ZSCAN5A: variants seen among roughly 807,000 people sequenced by gnomAD.
The protein encoded by ZSCAN5A is zinc finger and SCAN domain-containing protein 5A.
A neutral mutation model predicts 23.7 loss-of-function variants in ZSCAN5A; 12 were observed. That is an observed-to-expected ratio of 0.51 (90% confidence interval 0.32 to 0.82). The LOEUF is 0.82. Among genes scored for constraint, ZSCAN5A ranks in the 40% least tolerant of loss-of-function variants. ZSCAN5A has a pLI of 0.03. For synonymous variants in ZSCAN5A, 257 were observed against 239.9 expected (o/e 1.07, Z -0.66); for missense variants, 597 against 617.9 (o/e 0.97, Z 0.36).
At chr19:56,359,192 TAAAG>T (rs2041717392) in intron 2 of ZSCAN5A, among the ~76,000 whole-genome samples, 2 of 149,410 alleles carry the variant, frequency 1.3e-5, no homozygotes, top group African/African-American at 2.5e-5. Flanking sequence ...GCTAGACTAA[TAAAG>T]AAAAAAAGAC....
chr19:56,273,797 A>G (rs1351365673), intron 2 of ZSCAN5A, among the ~76,000 whole-genome samples: 1 of 152,112 alleles, frequency 6.6e-6, no homozygotes, highest in Non-Finnish European at 1.5e-5. Context: ...AAAATGTTGG[A>G]TGTTATCCTC....
chr19:56,235,059 T>C (rs796171519), intron 2 of ZSCAN5A, among the ~76,000 whole-genome samples: 192 of 131,696 alleles, frequency 1.5e-3, no homozygotes, highest in Middle Eastern at 4.1e-3. Context: ...CAGCCTCTGA[T>C]TGACCGTGGG....
chr19:56,280,877 C>G (rs964011586), intron 2 of ZSCAN5A, among the ~76,000 whole-genome samples: 4 of 152,198 alleles, frequency 2.6e-5, no homozygotes, highest in Non-Finnish European at 5.9e-5. Flanking sequence ...CCAACACATG[C>G]TGTTTGGGGT....
At chr19:56,232,005 T>TTTTTTTTTTTTTA (rs1568619830) in intron 2 of ZSCAN5A, among the ~76,000 whole-genome samples, 7 of 149,564 alleles carry the variant, frequency 4.7e-5, no homozygotes, top group South Asian at 2.1e-4. Flanking sequence ...TCTTTTTTTT[T>TTTTTTTTTTTTTA]GAGACAGTGT....
At chr19:56,346,765 G>A (rs1288014580) in intron 2 of ZSCAN5A, among the ~76,000 whole-genome samples, 1 of 151,684 alleles carries the variant, frequency 6.6e-6, no homozygotes, top group Non-Finnish European at 1.5e-5. Context: ...CTGGAGTGTA[G>A]TGGTGCCATC....
rs1006669805 is a variant in ZSCAN5A, at chr19:56,356,842, T to C, written c.-358+6393A>G. Among the ~76,000 whole-genome samples the C allele has an allele frequency of 4.0e-5, 6 of 148,488 alleles. 1 individual carries two copies. The highest frequency in any genetic ancestry group is 1.5e-4 in the African/African-American group (6 of 39,318). On this transcript the variant is annotated intron_variant, in intron 2 of 6. Transcript: ENST00000587340. ...AAATGTTGTCTTTTATATATACTCC[T>C]TTACTGCTTCTCAGGTTCATCCCTG...
intron 2 of ZSCAN5A, among the ~76,000 whole-genome samples, chr19:56,331,161 T>G (rs2041484921): frequency 6.6e-6 from 1 of 152,230 alleles, no homozygotes; most frequent in Non-Finnish European, 1.5e-5. Context: ...TCCATTGATC[T>G]ATGTCTGTTT....
chr19:56,228,353 C>A, intron 2 of ZSCAN5A: 1 of 985,374 alleles, frequency 1.0e-6, no homozygotes, highest in Non-Finnish European at 1.2e-6. Flanking sequence ...GGACTCCAGG[C>A]CGCGTTTCCG....
At chr19:56,332,553 A>G (rs1213563623) in intron 2 of ZSCAN5A, among the ~76,000 whole-genome samples, 1 of 152,198 alleles carries the variant, frequency 6.6e-6, no homozygotes, top group African/African-American at 2.4e-5. Flanking sequence ...GTGTTGTCAC[A>G]TGTGAGATGG....
intron 2 of ZSCAN5A, among the ~76,000 whole-genome samples, chr19:56,242,324 CAT>C (rs1385464697): frequency 3.3e-5 from 5 of 152,190 alleles, no homozygotes; most frequent in African/African-American, 1.2e-4. Context: ...TGGCCATTCA[CAT>C]GTCTTCATCT....
At chr19:56,244,147 T>C (rs936534654) in intron 2 of ZSCAN5A, 19 of 1,603,786 alleles carry the variant, frequency 1.2e-5, no homozygotes, top group South Asian at 7.7e-5. Flanking sequence ...AACTTGGAAA[T>C]CATGACTGGG....
upstream of ZSCAN5A, chr19:56,315,777 T>G (rs2041298919): frequency 6.6e-6 from 1 of 152,202 alleles, no homozygotes; most frequent in Admixed American, 6.5e-5. Context: ...AGTTTCCGCA[T>G]AGGTAAAGTG....
chr19:56,367,370 A>C (rs973698457), intron 1 of ZSCAN5A: 1 of 152,222 alleles, frequency 6.6e-6, no homozygotes, highest in Non-Finnish European at 1.5e-5. Flanking sequence ...TCTTAACAAA[A>C]CAAAAAAAAT....
intron 2 of ZSCAN5A, chr19:56,286,672 T>C (rs1389467844): frequency 6.6e-6 from 1 of 152,226 alleles, no homozygotes; most frequent in African/African-American, 2.4e-5. Context: ...GCAAGTGTTA[T>C]GAGTTAAAGA....
chr19:56,321,282 G>A (rs2041372989), intron 2 of ZSCAN5A: 2 of 662,868 alleles, frequency 3.0e-6, no homozygotes, highest in African/African-American at 1.8e-5. Context: ...CTTTTGCCAG[G>A]GTAAGAAGAA....
chr19:56,242,465 C>T (rs2035504918), intron 2 of ZSCAN5A, among the ~76,000 whole-genome samples: 1 of 152,148 alleles, frequency 6.6e-6, no homozygotes, highest in African/African-American at 2.4e-5. Flanking sequence ...ATATTGTCTC[C>T]TCTGGGTTGT....
chr19:56,247,111 C>A, intron 2 of ZSCAN5A: 1 of 694,610 alleles, frequency 1.4e-6, no homozygotes. Context: ...GCTAGCCATC[C>A]ACATGAGATC....
At chr19:56,305,552 A>G (rs999550858) in intron 2 of ZSCAN5A, among the ~76,000 whole-genome samples, 2 of 152,164 alleles carry the variant, frequency 1.3e-5, no homozygotes, top group Non-Finnish European at 2.9e-5. Context: ...AAGTTATGTT[A>G]GAATATCTGT....
At chr19:56,252,252 G>C (rs1002898779) in intron 2 of ZSCAN5A, among the ~76,000 whole-genome samples, 2 of 152,188 alleles carry the variant, frequency 1.3e-5, no homozygotes, top group Admixed American at 1.3e-4. Context: ...AGAGAAAAAG[G>C]AGAACTGATG....
Sources: gnomAD v4.1 joint callset for allele counts (sites outside exome capture counted in the v4.1 genomes callset) on GRCh38, gnomAD v4.1.1 for gene constraint, MANE v1.5 for transcripts, NCBI Gene and HGNC (gene_info 2026-07-23, HGNC 2026-07-21) for gene names.